The following NUBPL variants were observed in gnomAD, a reference collection of about 807,000 sequenced individuals.
NUBPL encodes iron-sulfur cluster transfer protein NUBPL.
NUBPL carries 31 observed loss-of-function variants against 45.7 expected under a neutral mutation model. The observed-to-expected ratio is 0.68, with a 90% CI of 0.51 to 0.92. NUBPL has a LOEUF of 0.92. Ranked by LOEUF, NUBPL falls within the 40% of genes least tolerant of loss-of-function variation. The pLI, the probability that NUBPL is intolerant of heterozygous loss-of-function variation, is 0.00. For missense variants in NUBPL, 401 were observed against 398.7 expected (o/e 1.01, Z -0.05); for synonymous variants, 144 against 140.9 (o/e 1.02, Z -0.15).
chr14:31,751,174 T>C (rs1283898692), intron 6 of NUBPL, among the ~76,000 whole-genome samples: 2 of 152,188 alleles, frequency 1.3e-5, no homozygotes, highest in African/African-American at 4.8e-5. Context: ...CTAAACCATA[T>C]CATTTGGCCC....
chr14:31,739,654 T>C (rs1429040064), intron 6 of NUBPL, among the ~76,000 whole-genome samples: 1 of 152,180 alleles, frequency 6.6e-6, no homozygotes, highest in Non-Finnish European at 1.5e-5. Context: ...TGAACCTACA[T>C]TGACACATCT....
intron 7 of NUBPL, among the ~76,000 whole-genome samples, chr14:31,803,694 GTTA>G (rs1223807519): frequency 1.3e-5 from 2 of 152,106 alleles, no homozygotes; most frequent in Admixed American, 6.6e-5. Flanking sequence ...TGTAGAAAGA[GTTA>G]TTGTTGTATT....
intron 7 of NUBPL, among the ~76,000 whole-genome samples, chr14:31,791,783 A>G (rs1159913471): frequency 6.6e-6 from 1 of 152,120 alleles, no homozygotes; most frequent in Non-Finnish European, 1.5e-5. Flanking sequence ...AATAAATATG[A>G]TACATTGTAG....
intron 6 of NUBPL, among the ~76,000 whole-genome samples, chr14:31,712,039 G>T (rs2037584336): frequency 6.6e-6 from 1 of 152,194 alleles, no homozygotes; most frequent in African/African-American, 2.4e-5. Flanking sequence ...ATTGTGAAGA[G>T]CAAAAGAACA....
At chr14:31,698,923 C>T (rs1180221884) in intron 6 of NUBPL, among the ~76,000 whole-genome samples, 5 of 151,504 alleles carry the variant, frequency 3.3e-5, no homozygotes, top group Non-Finnish European at 5.9e-5. Flanking sequence ...GGCACGATCT[C>T]GGCTCACTGC....
At chr14:31,579,564 G>A (rs2033809485) in intron 3 of NUBPL, among the ~76,000 whole-genome samples, 1 of 152,178 alleles carries the variant, frequency 6.6e-6, no homozygotes, top group Non-Finnish European at 1.5e-5. Context: ...GAAGACATGG[G>A]TAGTATTTTA....
chr14:31,743,938 C>A (rs1225557140), intron 6 of NUBPL, among the ~76,000 whole-genome samples: 1 of 152,186 alleles, frequency 6.6e-6, no homozygotes, highest in East Asian at 1.9e-4. Flanking sequence ...TGCTATGTCT[C>A]TTGCTATTGT....
rs184049982 is a variant in NUBPL, at chr14:31,715,807, A to T, written c.513+42233A>T. On this transcript the variant is annotated intron_variant, in intron 6 of 10. Coordinates refer to ENST00000281081, the MANE Select transcript of NUBPL (RefSeq NM_025152.3). ...CACTTAGGCTACACTAAATTTATTT[A>T]AAAAATTTTCTTTCTCTCAATTATA... is the stretch of plus-strand genomic sequence containing the variant. Among the ~76,000 whole-genome samples, 481 of 152,292 alleles carry T rather than the reference A, an allele frequency of 3.2e-3. 4 individuals carry two copies. Among genetic ancestry groups the T allele is most frequent in the African/African-American group, 0.011 (454 of 41,546 alleles).
intron 6 of NUBPL, among the ~76,000 whole-genome samples, chr14:31,718,083 G>T (rs1211356591): frequency 6.6e-6 from 1 of 152,136 alleles, no homozygotes; most frequent in African/African-American, 2.4e-5. Context: ...TCACTAACTG[G>T]TATCCTAAAA....
chr14:31,793,879 C>G lies in NUBPL; in HGVS notation c.607+6006C>G, dbSNP rs1200069208. Among the ~76,000 whole-genome samples the G allele has an allele frequency of 1.2e-4, 10 of 82,338 alleles. No individual in the cohort carries two copies. In the Admixed American group the frequency reaches 1.6e-3, roughly 13 times the overall value. The allele number at this position is 82,338 out of a possible 152,430, so 54.0% of individuals were successfully genotyped here. On this transcript the variant is annotated intron_variant, in intron 7 of 10. Transcript: ENST00000281081. ...TTTTTTCCCAATGCTATCCCTCCCC[C>G]CTCCCCCGACCCCACCACAGTCCCC... is the stretch of plus-strand genomic sequence containing the variant.
intron 6 of NUBPL, among the ~76,000 whole-genome samples, chr14:31,734,269 C>T (rs1332841219): frequency 6.6e-6 from 1 of 152,118 alleles, no homozygotes; most frequent in Non-Finnish European, 1.5e-5. Context: ...TAATAATGTC[C>T]TTTTAAGCAT....
intron 10 of NUBPL, among the ~76,000 whole-genome samples, chr14:31,855,493 C>T (rs2040601892): frequency 6.6e-6 from 1 of 152,136 alleles, no homozygotes; most frequent in Non-Finnish European, 1.5e-5. Context: ...GAGCAAATAA[C>T]TCCTGGTTTC....
intron 6 of NUBPL, among the ~76,000 whole-genome samples, chr14:31,722,874 A>G (rs1413815090): frequency 6.6e-6 from 1 of 151,722 alleles, no homozygotes; most frequent in Non-Finnish European, 1.5e-5. Context: ...ATTTTCTCTC[A>G]TTCTGTAGGT....
intron 6 of NUBPL, among the ~76,000 whole-genome samples, chr14:31,676,683 T>TAATAA (rs2036707443): frequency 6.6e-6 from 1 of 152,066 alleles, no homozygotes; most frequent in Non-Finnish European, 1.5e-5. Context: ...TATTGAGCCC[T>TAATAA]TTTCCACATG....
At chr14:31,728,649 T>C (rs79167933) in intron 6 of NUBPL, among the ~76,000 whole-genome samples, 1,607 of 152,308 alleles carry the variant, frequency 0.011, 24 homozygotes, top group African/African-American at 0.037. Flanking sequence ...TATTGATCAC[T>C]AGACAACTAT....
At chr14:31,715,643 T>C (rs1242424699) in intron 6 of NUBPL, among the ~76,000 whole-genome samples, 1 of 152,160 alleles carries the variant, frequency 6.6e-6, no homozygotes. Flanking sequence ...TGAAAAATGG[T>C]GCCCCTGTGT....
intron 7 of NUBPL, among the ~76,000 whole-genome samples, chr14:31,822,301 T>G (rs2040031051): frequency 6.6e-6 from 1 of 152,118 alleles, no homozygotes. Flanking sequence ...ATGGACCCCT[T>G]AAATATATAT....
intron 7 of NUBPL, among the ~76,000 whole-genome samples, chr14:31,820,533 A>T (rs2039999391): frequency 6.6e-6 from 1 of 152,210 alleles, no homozygotes; most frequent in African/African-American, 2.4e-5. Flanking sequence ...TTAAAATTTA[A>T]AAATCTGGGG....
chr14:31,805,922 T>G (rs2039676620), intron 7 of NUBPL, among the ~76,000 whole-genome samples: 2 of 145,822 alleles, frequency 1.4e-5, no homozygotes, highest in South Asian at 4.3e-4. Context: ...ATTAAAAAAT[T>G]TTGGGGGGCA....
Sources: gnomAD v4.1 joint callset for allele counts (sites outside exome capture counted in the v4.1 genomes callset) on GRCh38, gnomAD v4.1.1 for gene constraint, MANE v1.5 for transcripts, NCBI Gene and HGNC (gene_info 2026-07-23, HGNC 2026-07-21) for gene names.